The following INPP5A variants were observed in gnomAD, a reference collection of about 807,000 sequenced individuals.
The protein encoded by INPP5A is inositol polyphosphate-5-phosphatase A, also known as 43 kDa inositol polyphosphate 5-phophatase.
INPP5A carries 14 observed loss-of-function variants against 65.2 expected under a neutral mutation model. The ratio of observed to expected loss-of-function variants is 0.21; its 90% CI spans 0.14 to 0.34. The LOEUF is 0.34. Ranked by LOEUF, INPP5A falls within the 10% of genes least tolerant of loss-of-function variation. The pLI is 1.00. For synonymous variants in INPP5A, 207 were observed against 208.3 expected (o/e 0.99, Z 0.05); for missense variants, 431 against 545.6 (o/e 0.79, Z 2.09).
intron 2 of INPP5A, among the ~76,000 whole-genome samples, chr10:132,642,142 G>A (rs114272565): frequency 1.1e-3 from 165 of 151,860 alleles, no homozygotes; most frequent in African/African-American, 3.7e-3. Flanking sequence ...GAGCTCGTCT[G>A]CGGTCTGGGG....
chr10:132,587,018 C>T lies in INPP5A; in HGVS notation c.76-20897C>T, dbSNP rs957514090. Among the ~76,000 whole-genome samples, 3 of 152,326 alleles carry T rather than the reference C, an allele frequency of 2.0e-5. No individual in the cohort carries two copies. Among genetic ancestry groups the T allele is most frequent in the African/African-American group, 7.2e-5 (3 of 41,568 alleles). On this transcript the variant is annotated intron_variant, in intron 1 of 15. Transcript: ENST00000368594. This position sits in a 1 kb window ranked among gnomAD's most constrained non-coding sequence, Gnocchi z 4.3. ...ATCATTCCCCGTCCCCTGGGTGGCC[C>T]CTCCCCCGCCATCGTTACGCTGTCA...
At position 132,546,006 on chromosome 10, in the gene INPP5A, C is replaced by T. The variant is rs939535148; in HGVS notation, c.75+7835C>T. Among the ~76,000 whole-genome samples, 1 of 152,224 alleles carries T rather than the reference C, an allele frequency of 6.6e-6. No homozygotes were observed. Among genetic ancestry groups the T allele is most frequent in the Non-Finnish European group, 1.5e-5 (1 of 68,048 alleles). ...AGACGTGGAAGTGGCTCTGGAGGAGCGTCCACCAGGTCCTGCTTGTGTACG... is the reference window on the plus strand; with the variant it reads ...AGACGTGGAAGTGGCTCTGGAGGAGTGTCCACCAGGTCCTGCTTGTGTACG... On this transcript the variant is annotated intron_variant, in intron 1 of 15. Coordinates refer to ENST00000368594, the MANE Select transcript of INPP5A (RefSeq NM_005539.5). The surrounding 1 kb of genome is among the most constrained non-coding windows in gnomAD (Gnocchi z 5.7).
chr10:132,540,655 G>T (rs969893836), intron 1 of INPP5A, among the ~76,000 whole-genome samples: 4 of 152,268 alleles, frequency 2.6e-5, no homozygotes, highest in Non-Finnish European at 5.9e-5. Context: ...ATGAGTGAAG[G>T]AAGTTTTGGT....
intron 5 of INPP5A, among the ~76,000 whole-genome samples, chr10:132,692,050 G>A (rs374173144): frequency 4.3e-4 from 66 of 152,284 alleles, no homozygotes; most frequent in African/African-American, 1.4e-3. Flanking sequence ...CAGTCGGGGG[G>A]CCTCGGGCTG....
Position 132,782,435 on chromosome 10 carries a change from A to C in INPP5A, c.*406A>C, listed in dbSNP as rs994297207. On this transcript the variant is annotated 3_prime_UTR_variant, in exon 16 of 16. Transcript: ENST00000368594. This position sits in a 1 kb window ranked among gnomAD's most constrained non-coding sequence, Gnocchi z 4.4. ...CCCTCTGCCAGGTGGAGGTGTGTCCAGGGGCTGGGGAAGCCGAGACGGGCA... is the reference window on the plus strand; with the variant it reads ...CCCTCTGCCAGGTGGAGGTGTGTCCCGGGGCTGGGGAAGCCGAGACGGGCA... The C allele has an allele frequency of 7.9e-6, 2 of 251,932 alleles. No homozygotes were observed. Among genetic ancestry groups the C allele is most frequent in the Admixed American group, 5.2e-5 (1 of 19,350 alleles). 15.6% of individuals were successfully genotyped at this position (251,932 alleles called of 1,614,324 possible).
chr10:132,717,509 C>T (rs1217142838), intron 8 of INPP5A, among the ~76,000 whole-genome samples: 1 of 151,578 alleles, frequency 6.6e-6, no homozygotes, highest in African/African-American at 2.4e-5. Context: ...TGGGTTCTGC[C>T]TGGAGGAGCC....
intron 6 of INPP5A, among the ~76,000 whole-genome samples, chr10:132,699,623 TG>T (rs924865838): frequency 6.6e-6 from 1 of 151,560 alleles, no homozygotes. Context: ...CCATAGCTCT[TG>T]GGGGTGGGGG....
In INPP5A at chr10:132,689,176, G is replaced by A. The variant is rs554979676; in HGVS notation, c.307-1216G>A. On this transcript the variant is annotated intron_variant, in intron 4 of 15. Transcript: ENST00000368594. ...ACAGACACAGTGAGGGATGCACCACGCCCTGTGCTTTCAGCTGAGGACAGG... is the reference window on the plus strand; with the variant it reads ...ACAGACACAGTGAGGGATGCACCACACCCTGTGCTTTCAGCTGAGGACAGG... 2.0e-4 allele frequency among the ~76,000 whole-genome samples: 30 copies of A among 152,320 alleles called. No individual in the cohort carries two copies. The East Asian group carries it at 5.2e-3, about 26-fold the overall frequency.
chr10:132,654,249 T>C (rs2072620257), intron 4 of INPP5A, among the ~76,000 whole-genome samples: 1 of 152,236 alleles, frequency 6.6e-6, no homozygotes, highest in Admixed American at 6.5e-5. Flanking sequence ...AGCCCCGGCT[T>C]CCCTGCCTGG....
At chr10:132,681,771 A>T (rs899926915) in intron 4 of INPP5A, among the ~76,000 whole-genome samples, 44 of 152,266 alleles carry the variant, frequency 2.9e-4, no homozygotes, top group African/African-American at 1.1e-3. Flanking sequence ...AGCAGTCTCC[A>T]GCAGATATTT....
At chr10:132,571,096 C>T (rs973849512) in intron 1 of INPP5A, among the ~76,000 whole-genome samples, 3 of 152,278 alleles carry the variant, frequency 2.0e-5, no homozygotes, top group African/African-American at 7.2e-5. Flanking sequence ...GCACGCCCAC[C>T]TGCTGGGCCC....
chr10:132,744,614 C>T (rs1167381702), intron 9 of INPP5A, among the ~76,000 whole-genome samples: 1 of 152,246 alleles, frequency 6.6e-6, no homozygotes, highest in Non-Finnish European at 1.5e-5. Context: ...GCACTAGAAT[C>T]TGCCCCTTAG....
rs182828859 is a variant in INPP5A, at chr10:132,705,899, G to A, written c.475-2414G>A. ...CAAACCAAGAACGTCTATGAGACGA[G>A]CAGACACCAGAATACAGACTCACCC... On this transcript the variant is annotated intron_variant, in intron 6 of 15. Transcript: ENST00000368594. This position sits in a 1 kb window ranked among gnomAD's most constrained non-coding sequence, Gnocchi z 4.9. 2.0e-5 allele frequency among the ~76,000 whole-genome samples: 3 copies of A among 152,304 alleles called. No individual in the cohort carries two copies. Among genetic ancestry groups the A allele is most frequent in the African/African-American group, 7.2e-5 (3 of 41,546 alleles).
chr10:132,704,194 A>T lies in INPP5A; in HGVS notation c.475-4119A>T, dbSNP rs1278210960. Among the ~76,000 whole-genome samples the T allele has an allele frequency of 6.6e-6, 1 of 151,968 alleles. No individual in the cohort carries two copies. Among genetic ancestry groups the T allele is most frequent in the East Asian group, 2.0e-4 (1 of 5,098 alleles). On this transcript the variant is annotated intron_variant, in intron 6 of 15. Coordinates refer to ENST00000368594, the MANE Select transcript of INPP5A (RefSeq NM_005539.5). The surrounding 1 kb of genome is among the most constrained non-coding windows in gnomAD (Gnocchi z 4.5). The stretch of plus-strand genomic sequence containing the variant: ...TGCTGGTGCTCTAGGGGAGTCGTGT[A>T]TTGAGGCGCCTTGGCCTGCAGGGAC...
Position 132,716,920 on chromosome 10 carries a change from T to A in INPP5A, c.647+6464T>A, listed in dbSNP as rs1426248218. On this transcript the variant is annotated intron_variant, in intron 8 of 15. Coordinates refer to ENST00000368594, the MANE Select transcript of INPP5A (RefSeq NM_005539.5). ...CGACTCTGCCCGAGAGCACTTGATG[T>A]GGGGATGGACTCATCGAAGGGAGTG... Among the ~76,000 whole-genome samples the A allele has an allele frequency of 3.3e-5, 5 of 152,088 alleles. No homozygotes were observed. In the East Asian group the frequency reaches 9.7e-4, roughly 29 times the overall value.
At chr10:132,584,389 G>C (rs2071522607) in intron 1 of INPP5A, among the ~76,000 whole-genome samples, 1 of 152,120 alleles carries the variant, frequency 6.6e-6, no homozygotes, top group South Asian at 2.1e-4. Flanking sequence ...GAAGGTTTTT[G>C]ATATGACTCA....
At chr10:132,692,533 C>T (rs1343153765) in intron 5 of INPP5A, among the ~76,000 whole-genome samples, 1 of 152,194 alleles carries the variant, frequency 6.6e-6, no homozygotes, top group African/African-American at 2.4e-5. Context: ...AAGAGAAGAT[C>T]TTGAAAGAAT....
intron 1 of INPP5A, among the ~76,000 whole-genome samples, chr10:132,597,574 T>C (rs1313657050): frequency 6.6e-6 from 1 of 152,246 alleles, no homozygotes; most frequent in East Asian, 1.9e-4. Context: ...AGTTAAACAA[T>C]AGTGTTACAT....
At chr10:132,702,984 T>C (rs1483971035) in intron 6 of INPP5A, among the ~76,000 whole-genome samples, 3 of 152,076 alleles carry the variant, frequency 2.0e-5, no homozygotes, top group Middle Eastern at 3.2e-3. Flanking sequence ...CTGCCGGTGC[T>C]GGTTAGGAGC....
Sources: gnomAD v4.1 joint callset for allele counts (sites outside exome capture counted in the v4.1 genomes callset) on GRCh38, gnomAD v4.1.1 for gene constraint, Gnocchi (gnomAD v3.1) non-coding constraint, MANE v1.5 for transcripts, NCBI Gene and HGNC (gene_info 2026-07-23, HGNC 2026-07-21) for gene names.